The following RXFP1 variants were observed in gnomAD, a reference collection of about 807,000 sequenced individuals.
The protein encoded by RXFP1 is relaxin receptor 1.
RXFP1 carries 73 observed loss-of-function variants against 89.8 expected under a neutral mutation model. The observed-to-expected ratio is 0.81, with a 90% CI of 0.67 to 0.99. RXFP1 has a LOEUF of 0.99. Ranked by LOEUF, RXFP1 falls within the 50% of genes least tolerant of loss-of-function variation. RXFP1 has a pLI of 0.00. For synonymous variants in RXFP1, 277 were observed against 305.5 expected, an observed-to-expected ratio of 0.91 and a Z score of 0.97; for missense variants, 793 against 895.5, an observed-to-expected ratio of 0.89 and a Z score of 1.46.
intron 3 of RXFP1, 102 bp downstream of exon 3, chr4:158,593,601 A>C: frequency 1.6e-6 from 1 of 614,590 alleles, no homozygotes; most frequent in Non-Finnish European, 2.6e-6. Context: ...CTCAATCTGG[A>C]AATCAGTTTT....
At chr4:158,626,152 A>ATAGATAGATAGT (rs1249609948) in intron 9 of RXFP1, among the ~76,000 whole-genome samples, 89 of 144,582 alleles carry the variant, frequency 6.2e-4, no homozygotes, top group Non-Finnish European at 1.2e-3. Context: ...AGATAGATAG[A>ATAGATAGATAGT]TAGATAGATA....
chr4:158,617,260 A>T, intron 9 of RXFP1, 55 bp downstream of exon 9: 1 of 1,260,266 alleles, frequency 7.9e-7, no homozygotes, highest in South Asian at 1.3e-5. Flanking sequence ...GTTTTTACCT[A>T]ATTCATTCCA....
intron 1 of RXFP1, chr4:158,543,639 T>C (rs1439307144): frequency 2.6e-5 from 12 of 457,730 alleles, no homozygotes; most frequent in African/African-American, 4.3e-5. Context: ...CAGTCAGTAT[T>C]TATATTTATT....
intron 1 of RXFP1, among the ~76,000 whole-genome samples, chr4:158,533,586 T>G (rs1308847635): frequency 6.6e-6 from 1 of 152,200 alleles, no homozygotes; most frequent in Non-Finnish European, 1.5e-5. Flanking sequence ...TATAGGAGAA[T>G]TGGAATTTTC....
At chr4:158,570,673 C>T (rs1033838438) in intron 1 of RXFP1, among the ~76,000 whole-genome samples, 1 of 152,114 alleles carries the variant, frequency 6.6e-6, no homozygotes. Context: ...CTACCCTCCC[C>T]TCAAGTCTCC....
Position 158,652,070 on chromosome 4 carries a change from C to T in RXFP1, c.*15C>T, listed in dbSNP as rs751758076. On this transcript the variant is annotated 3_prime_UTR_variant, in exon 18 of 18. Transcript: ENST00000307765. Reference sequence around the variant, plus strand: ...CCTATTCATGACTGACTCTGAAATTCATTTCTTCGCAGAGAATACTGTGGG... The same window carrying T: ...CCTATTCATGACTGACTCTGAAATTTATTTCTTCGCAGAGAATACTGTGGG... The T allele has an allele frequency of 5.7e-6, 9 of 1,590,044 alleles. No individual in the cohort carries two copies. Among genetic ancestry groups the T allele is most frequent in the Non-Finnish European group, 7.7e-6 (9 of 1,165,914 alleles).
chr4:158,530,109 A>G (rs1008074782), intron 1 of RXFP1, among the ~76,000 whole-genome samples: 1 of 152,196 alleles, frequency 6.6e-6, no homozygotes, highest in African/African-American at 2.4e-5. Flanking sequence ...GATAAATTTT[A>G]CTTTACAGAG....
intron 11 of RXFP1, among the ~76,000 whole-genome samples, chr4:158,633,064 G>T (rs376721628): frequency 1.3e-5 from 2 of 152,044 alleles, no homozygotes; most frequent in East Asian, 3.9e-4. Flanking sequence ...CACCTACTGG[G>T]GAGGCTGAGG....
chr4:158,544,084 T>A, intron 1 of RXFP1: 2 of 980,922 alleles, frequency 2.0e-6, no homozygotes, highest in Non-Finnish European at 2.4e-6. Flanking sequence ...AGAGAAGAAC[T>A]AACAAGAGAA....
chr4:158,642,700 T>C (rs1024771614), intron 14 of RXFP1, among the ~76,000 whole-genome samples: 2 of 152,202 alleles, frequency 1.3e-5, no homozygotes, highest in African/African-American at 2.4e-5. Flanking sequence ...AACACCTAGG[T>C]TGACTCCATA....
At chr4:158,614,042 G>A (rs1288152629) in intron 8 of RXFP1, among the ~76,000 whole-genome samples, 1 of 152,182 alleles carries the variant, frequency 6.6e-6, no homozygotes, top group Non-Finnish European at 1.5e-5. Flanking sequence ...TTGCCAGTGA[G>A]CAGTGTATCT....
At chr4:158,551,598 A>C (rs1270116401) in intron 1 of RXFP1, among the ~76,000 whole-genome samples, 1 of 152,204 alleles carries the variant, frequency 6.6e-6, no homozygotes, top group Non-Finnish European at 1.5e-5. Context: ...AAAAAACCAC[A>C]TTGTACACCA....
intron 10 of RXFP1, among the ~76,000 whole-genome samples, chr4:158,628,344 G>C (rs541968342): frequency 6.6e-6 from 1 of 152,182 alleles, no homozygotes; most frequent in South Asian, 2.1e-4. Context: ...CTATGCTCTT[G>C]GTTGCAAGAT....
rs757208195 is a variant in RXFP1 at position 158,646,778 on chromosome 4, A to G, written c.1346-13A>G. The G allele has an allele frequency of 2.8e-5, 43 of 1,553,844 alleles. No individual in the cohort carries two copies. In the East Asian group the frequency reaches 7.9e-4, roughly 29 times the overall value. ...TTTATTTCTCTAAATTTGTGAAACT[A>G]TGACTCCTCTAGGTGCCGACTGCTT... is the stretch of plus-strand genomic sequence containing the variant. On this transcript the variant is annotated splice_polypyrimidine_tract_variant and intron_variant, in intron 15 of 17. Transcript: ENST00000307765.
chr4:158,539,706 G>C (rs548191901), intron 1 of RXFP1, among the ~76,000 whole-genome samples: 1 of 152,128 alleles, frequency 6.6e-6, no homozygotes, highest in African/African-American at 2.4e-5. Flanking sequence ...ACAATTTCAT[G>C]GATTGATGAT....
At chr4:158,607,037 T>C (rs1762655537) in intron 5 of RXFP1, 2 of 1,526,650 alleles carry the variant, frequency 1.3e-6, no homozygotes, top group Non-Finnish European at 1.8e-6. Flanking sequence ...AAATTGCATA[T>C]AAACTTTCAG....
At chr4:158,648,756 C>A in intron 17 of RXFP1, 39 bp downstream of exon 17, 1 of 1,234,038 alleles carries the variant, frequency 8.1e-7, no homozygotes, top group Non-Finnish European at 1.1e-6. Context: ...AATAATAAAT[C>A]TGTTTTTACA....
chr4:158,619,997 A>G (rs1363505281), intron 9 of RXFP1, among the ~76,000 whole-genome samples: 1 of 152,232 alleles, frequency 6.6e-6, no homozygotes, highest in African/African-American at 2.4e-5. Context: ...TTCATGTCAA[A>G]TTATAAAGCA....
At chr4:158,543,843 A>G (rs2149842787) in intron 1 of RXFP1, 1 of 985,442 alleles carries the variant, frequency 1.0e-6, no homozygotes, top group East Asian at 1.1e-4. Context: ...CCTAAAATCC[A>G]GTAAGACAGA....
Sources: gnomAD v4.1 joint callset for allele counts (sites outside exome capture counted in the v4.1 genomes callset) on GRCh38, gnomAD v4.1.1 for gene constraint, MANE v1.5 for transcripts, NCBI Gene and HGNC (gene_info 2026-07-23, HGNC 2026-07-21) for gene names.